The following NAPSA variants were observed in gnomAD, a reference collection of about 807,000 sequenced individuals.
NAPSA encodes the protein napsin-A.
Under a neutral mutation model 36.7 loss-of-function variants are expected in NAPSA, and 37 were observed. That is an observed-to-expected ratio of 1.01 (90% CI 0.78 to 1.33). The LOEUF (loss-of-function observed/expected upper bound fraction) is 1.33, where lower values mean the gene tolerates loss of function less well. NAPSA is among the 40% of genes most tolerant of loss of function. The probability of loss-of-function intolerance (pLI) is 0.00; values close to 1 mark genes in which losing one functional copy is unlikely to be tolerated. For synonymous variants in NAPSA, 222 were observed against 234.5 expected, an observed-to-expected ratio of 0.95 and a Z score of 0.49; for missense variants, 532 against 543.8, an observed-to-expected ratio of 0.98 and a Z score of 0.21.
rs1421022095 is a variant in NAPSA, at chr19:50,360,961, G to C, written c.648C>G (p.Val216=). 1 of 1,613,928 alleles carries C rather than the reference G, an allele frequency of 6.2e-7. No homozygotes were observed. The highest frequency in any genetic ancestry group is 8.5e-7 in the Non-Finnish European group (1 of 1,180,004). The change falls in exon 5 of 9, where the codon GTC becomes GTG. Residue 216 remains valine (V), a synonymous_variant. Transcript: ENST00000253719. The part of the protein sequence containing the change: ...LVEQGLLDKP[V]FSFYLNRDPE... Reference sequence around the variant, plus strand: ...AGTACCTGTTGAGGTAAAAGGAGAAGACAGGCTTATCCAATAGCCCCTGCT... The same window carrying C: ...AGTACCTGTTGAGGTAAAAGGAGAACACAGGCTTATCCAATAGCCCCTGCT...
chr19:50,359,416 C>G, intron 7 of NAPSA, 87 bp downstream of exon 7: 1 of 1,559,738 alleles, frequency 6.4e-7, no homozygotes, highest in Non-Finnish European at 8.7e-7. Context: ...CCCTTAAATA[C>G]TTGCCTCCCA....
intron 1 of NAPSA, 116 bp from the exon 2 acceptor site, chr19:50,362,429 TCA>T: frequency 1.1e-6 from 1 of 929,322 alleles, no homozygotes; most frequent in Non-Finnish European, 1.6e-6. Context: ...ACAATAGTAG[TCA>T]GTACCAGAAA....
chr19:50,366,941 G>C (rs149409139), upstream of NAPSA, among the ~76,000 whole-genome samples: 1,591 of 151,278 alleles, frequency 0.011, 29 homozygotes, highest in African/African-American at 0.034. Flanking sequence ...TCAAGCGATT[G>C]TCCTGTCTCA....
chr19:50,359,821 C>A lies in NAPSA; in HGVS notation c.710G>T (p.Gly237Val), dbSNP rs140973133. 38 of 1,614,026 alleles carry A rather than the reference C, an allele frequency of 2.4e-5. No individual in the cohort carries two copies. Among genetic ancestry groups the A allele is most frequent in the Admixed American group, 1.0e-4 (6 of 60,000 alleles). ...TGGGATGTAGTGTGCCGGGTCCGAGCCCCCCAGGACCAGCTCTCCTCCATC... is the reference window on the plus strand; with the variant it reads ...TGGGATGTAGTGTGCCGGGTCCGAGACCCCCAGGACCAGCTCTCCTCCATC... The part of the protein sequence containing the change: ...EPDGGELVLG[G>V]SDPAHYIPPL... Residue 237 changes from glycine to valine, a missense_variant, in exon 6 of 9, where the codon GGC (glycine) becomes GTC (valine). This residue lies in a region of NAPSA where 385 missense variants were observed against 371.5 expected (regional missense o/e 1.04). Coordinates refer to ENST00000253719, the MANE Select transcript of NAPSA (RefSeq NM_004851.3).
rs146576736 is a variant in NAPSA, at chr19:50,361,002, T to G, written c.607A>C (p.Met203Leu). The G allele has an allele frequency of 9.9e-6, 16 of 1,614,038 alleles. No individual in the cohort carries two copies. The highest frequency in any genetic ancestry group is 8.9e-5 in the East Asian group (4 of 44,866). Residue 203 changes from methionine (M) to leucine (L), a missense_variant, in exon 5 of 9, where the codon ATG (methionine) becomes CTG (leucine). Physicochemically the swap from Met to Leu is conservative, Grantham distance 15. Transcript: ENST00000253719. ...ILSVEGVRPP[M>L]DVLVEQGLLD... is the part of the protein sequence containing the mutation. ...AGCCCCTGCTCCACCAGTACATCCA[T>G]CGGGGGCCGAACTCCTTCCACAGAC...
chr19:50,367,773 T>C (rs370160685), upstream of NAPSA, among the ~76,000 whole-genome samples: 3 of 152,144 alleles, frequency 2.0e-5, no homozygotes, highest in East Asian at 3.9e-4. Context: ...AAGGCAGCCA[T>C]GCTTGCATCC....
At chr19:50,364,582 T>C (rs1261733971) in intron 1 of NAPSA, among the ~76,000 whole-genome samples, 2 of 118,290 alleles carry the variant, frequency 1.7e-5, no homozygotes, top group African/African-American at 3.4e-5. Context: ...GCCACTGCAC[T>C]CCAGCCTGGG....
Position 50,362,096 on chromosome 19 carries a change from A to G in NAPSA, c.226-4T>C. ...CAATTTCCCCAAAATACTGCACCTG[A>G]TAGCAAAAGAGGAGAGTAAACGAAG... is the stretch of plus-strand genomic sequence containing the variant. On this transcript the variant is annotated splice_region_variant and splice_polypyrimidine_tract_variant and intron_variant, in intron 2 of 8. Coordinates refer to ENST00000253719, the MANE Select transcript of NAPSA (RefSeq NM_004851.3). 6.2e-7 allele frequency: 1 copy of G among 1,614,142 alleles called. No homozygotes were observed.
chr19:50,359,796 T>A lies in NAPSA; in HGVS notation c.735A>T (p.Pro245=), dbSNP rs781517212. The change falls in exon 6 of 9, where the codon CCA becomes CCT. Residue 245 remains proline (P), a synonymous_variant. Coordinates refer to ENST00000253719, the MANE Select transcript of NAPSA (RefSeq NM_004851.3). ...LGGSDPAHYI[P]PLTFVPVTVP... is the part of the protein sequence containing the mutation. ...CCGTGACTGGCACGAAGGTGAGGGG[T>A]GGGATGTAGTGTGCCGGGTCCGAGC... 4 of 1,613,958 alleles carry A rather than the reference T, an allele frequency of 2.5e-6. No individual in the cohort carries two copies. The highest frequency in any genetic ancestry group is 3.4e-6 in the Non-Finnish European group (4 of 1,179,982).
chr19:50,360,332 G>A (rs1424727393), intron 5 of NAPSA, among the ~76,000 whole-genome samples: 1 of 152,164 alleles, frequency 6.6e-6, no homozygotes, highest in African/African-American at 2.4e-5. Flanking sequence ...AGGTGGAGGA[G>A]AGCAGGATCT....
Position 50,358,614 on chromosome 19 carries a change from G to A in NAPSA, c.1202C>T (p.Ala401Val). 1 of 1,612,350 alleles carries A rather than the reference G, an allele frequency of 6.2e-7. No homozygotes were observed. Among genetic ancestry groups the A allele is most frequent in the South Asian group, 1.1e-5 (1 of 91,020 alleles). Residue 401 changes from alanine to valine, a missense_variant, in exon 9 of 9, where the codon GCT becomes GTT. Ala to Val is a moderately conservative substitution (Grantham distance 64). Transcript: ENST00000253719. Reference sequence around the variant, plus strand: ...TCCGAGGTCCGCTCCGCGAGTGCGAGCGCGCGCCAGGCCCACCCGGGCGCT... The same window carrying A: ...TCCGAGGTCCGCTCCGCGAGTGCGAACGCGCGCCAGGCCCACCCGGGCGCT... ...KSSARVGLAR[A>V]RTRGADLGWG...
chr19:50,361,481 A>G, intron 4 of NAPSA, 182 bp downstream of exon 4: 1 of 623,904 alleles, frequency 1.6e-6, no homozygotes, highest in East Asian at 2.8e-5. Flanking sequence ...TCACCCAGGA[A>G]GCCCCTCCCC....
chr19:50,359,180 T>G, intron 7 of NAPSA, 71 bp from the exon 8 acceptor site: 1 of 1,331,320 alleles, frequency 7.5e-7, no homozygotes, highest in Non-Finnish European at 1.1e-6. Flanking sequence ...GGCTCCCCAG[T>G]GCCATAGGGT....
chr19:50,365,564 C>T lies in NAPSA; in HGVS notation c.58G>A (p.Glu20Lys), dbSNP rs780744476. ...CGGATCAGTGTGGCCCCGGAAGGCTCCACATTCAGCAGAGGCAGCAGCAGC... is the reference window on the plus strand; with the variant it reads ...CGGATCAGTGTGGCCCCGGAAGGCTTCACATTCAGCAGAGGCAGCAGCAGC... ...LLLLLPLLNV[E>K]PSGATLIRIP... The change falls in exon 1 of 9, where the codon GAG becomes AAG. Residue 20 changes from glutamate (E) to lysine (K), a missense_variant. Around this residue, in one of 3 missense-constraint regions of NAPSA, gnomAD observed 102 missense variants for 93.6 expected, o/e 1.09. Coordinates refer to ENST00000253719, the MANE Select transcript of NAPSA (RefSeq NM_004851.3). 6.2e-7 allele frequency: 1 copy of T among 1,613,644 alleles called. No homozygotes were observed. Among genetic ancestry groups the T allele is most frequent in the Non-Finnish European group, 8.5e-7 (1 of 1,179,862 alleles).
At position 50,363,942 on chromosome 19, in the gene NAPSA, G is replaced by A. The variant is rs1430867311; in HGVS notation, c.83+1597C>T. 3.3e-5 allele frequency among the ~76,000 whole-genome samples: 5 copies of A among 152,116 alleles called. No individual in the cohort carries two copies. The East Asian group carries it at 7.7e-4, about 23-fold the overall frequency. On this transcript the variant is annotated intron_variant, in intron 1 of 8. Transcript: ENST00000253719. ...TTTAAATGTCACATATCTGGGGCTCGAAGATGGGAGGAGTGTGTCACAGGT... is the reference window on the plus strand; with the variant it reads ...TTTAAATGTCACATATCTGGGGCTCAAAGATGGGAGGAGTGTGTCACAGGT...
intron 3 of NAPSA, 90 bp downstream of exon 3, chr19:50,361,879 A>G: frequency 6.2e-7 from 1 of 1,601,154 alleles, no homozygotes; most frequent in East Asian, 2.2e-5. Flanking sequence ...ATAAAAGAAC[A>G]GTTCCTCAAA....
upstream of NAPSA, among the ~76,000 whole-genome samples, chr19:50,368,810 T>G (rs2037580777): frequency 6.6e-6 from 1 of 152,250 alleles, no homozygotes; most frequent in Non-Finnish European, 1.5e-5. Flanking sequence ...TTTCTAGAGC[T>G]GGACCCCTGG....
In NAPSA at chr19:50,362,231, A is replaced by G; in HGVS notation, c.166T>C (p.Leu56=). 1 of 1,614,068 alleles carries G rather than the reference A, an allele frequency of 6.2e-7. No individual in the cohort carries two copies. The highest frequency in any genetic ancestry group is 8.5e-7 in the Non-Finnish European group (1 of 1,179,986). ...TTGTCCCCAGGGGATGGGGCCCCCA[A>G]CTTGGGGAGCTCTGCTGGTTCTCTC... ...GWREPAELPK[L]GAPSPGDKPI... is the part of the protein sequence containing the mutation. Residue 56 remains leucine, a synonymous_variant, in exon 2 of 9, where the codon TTG becomes CTG. Coordinates refer to ENST00000253719, the MANE Select transcript of NAPSA (RefSeq NM_004851.3).
chr19:50,361,672 G>A lies in NAPSA; in HGVS notation c.459C>T (p.Asp153=). Residue 153 remains aspartate (D), a synonymous_variant, in exon 4 of 9, where the codon GAC becomes GAT. Transcript: ENST00000253719. ...GTCAAAGGCCACTCACAGTCAGCTT[G>A]TCCTCGCTCAGGATTCCATCTACCC... ...TGRVDGILSE[D]KLTIGGIKGA... 6.2e-7 allele frequency: 1 copy of A among 1,613,392 alleles called. No individual in the cohort carries two copies. Among genetic ancestry groups the A allele is most frequent in the East Asian group, 2.2e-5 (1 of 44,852 alleles).
Sources: gnomAD v4.1 joint callset for allele counts (sites outside exome capture counted in the v4.1 genomes callset) on GRCh38, gnomAD v4.1.1 for gene constraint, gnomAD v4.1.1 regional missense constraint, MANE v1.5 for transcripts, NCBI Gene and HGNC (gene_info 2026-07-23, HGNC 2026-07-21) for gene names.